Variants in MAMDC2 observed in about 807,000 individuals in gnomAD.
The protein encoded by MAMDC2 is MAM domain-containing protein 2.
Under a neutral mutation model 89.8 loss-of-function variants are expected in MAMDC2, and 57 were observed. That is an observed-to-expected ratio of 0.63 (90% CI 0.51 to 0.79). MAMDC2 has a LOEUF of 0.79. Ranked by LOEUF, MAMDC2 falls within the 30% of genes least tolerant of loss-of-function variation. The pLI, the probability that MAMDC2 is intolerant of heterozygous loss-of-function variation, is 0.00. For synonymous variants in MAMDC2, 313 were observed against 293.4 expected, an observed-to-expected ratio of 1.07 and a Z score of -0.68; for missense variants, 800 against 820.6, an observed-to-expected ratio of 0.97 and a Z score of 0.31.
intron 11 of MAMDC2, among the ~76,000 whole-genome samples, chr9:70,187,491 T>A (rs1328092456): frequency 6.6e-6 from 1 of 152,170 alleles, no homozygotes; most frequent in Non-Finnish European, 1.5e-5. Context: ...TTTTTTAAAG[T>A]ATATAATTCA....
chr9:70,217,236 C>T, intron 11 of MAMDC2: 2 of 860,422 alleles, frequency 2.3e-6, no homozygotes, highest in Non-Finnish European at 4.0e-6. Context: ...ACAAGATCTA[C>T]CCGGGACAGG....
At chr9:70,052,917 A>G (rs1246659370) in intron 2 of MAMDC2, among the ~76,000 whole-genome samples, 1 of 152,176 alleles carries the variant, frequency 6.6e-6, no homozygotes, top group Non-Finnish European at 1.5e-5. Context: ...CAATGGACAA[A>G]AAGCTCTTGG....
At chr9:70,212,046 G>A (rs991775306) in intron 11 of MAMDC2, among the ~76,000 whole-genome samples, 5 of 152,238 alleles carry the variant, frequency 3.3e-5, no homozygotes, top group South Asian at 2.1e-4. Context: ...CTACTGGGAG[G>A]TGTCTCCCAG....
intron 11 of MAMDC2, chr9:70,217,266 C>T (rs931713854): frequency 9.3e-6 from 10 of 1,075,024 alleles, no homozygotes; most frequent in South Asian, 2.5e-5. Context: ...ACGCCAGGAC[C>T]GACGGGAAGG....
chr9:70,092,142 C>T (rs1827916184), intron 2 of MAMDC2: 1 of 152,114 alleles, frequency 6.6e-6, no homozygotes, highest in Admixed American at 6.6e-5. Flanking sequence ...AAAAACCTGC[C>T]ATCAATGAAT....
intron 11 of MAMDC2, among the ~76,000 whole-genome samples, chr9:70,202,089 C>T (rs1377450067): frequency 6.6e-6 from 1 of 151,948 alleles, no homozygotes; most frequent in Non-Finnish European, 1.5e-5. Context: ...TTCTTGCCTT[C>T]TGCTAGCTTT....
chr9:70,140,104 A>T, intron 7 of MAMDC2, 41 bp from the exon 8 acceptor site: 1 of 1,514,566 alleles, frequency 6.6e-7, no homozygotes, highest in Non-Finnish European at 8.8e-7. Flanking sequence ...GTCCTTTGAG[A>T]TCTTTGGGAC....
intron 7 of MAMDC2, 21 bp downstream of exon 7, chr9:70,131,633 A>T: frequency 6.4e-7 from 1 of 1,560,076 alleles, no homozygotes; most frequent in Non-Finnish European, 8.8e-7. Context: ...TCTATTTGTC[A>T]TTGCATTTTG....
chr9:70,073,225 C>A (rs183869571), intron 2 of MAMDC2, among the ~76,000 whole-genome samples: 113 of 152,296 alleles, frequency 7.4e-4, no homozygotes, highest in African/African-American at 2.5e-3. Flanking sequence ...AAATGTCTTG[C>A]CAAGCTTAAA....
At chr9:70,078,717 G>A (rs1827591379) in intron 2 of MAMDC2, among the ~76,000 whole-genome samples, 1 of 152,070 alleles carries the variant, frequency 6.6e-6, no homozygotes, top group South Asian at 2.1e-4. Flanking sequence ...GGATGTAATT[G>A]CTACCTCCTT....
chr9:70,073,340 ATAT>A (rs1827453098), intron 2 of MAMDC2, among the ~76,000 whole-genome samples: 1 of 152,234 alleles, frequency 6.6e-6, no homozygotes, highest in South Asian at 2.1e-4. Flanking sequence ...AGAGCACTGA[ATAT>A]TTATAATAAA....
At chr9:70,112,159 C>A (rs780992254) in intron 4 of MAMDC2, among the ~76,000 whole-genome samples, 58 of 152,112 alleles carry the variant, frequency 3.8e-4, no homozygotes, top group Non-Finnish European at 6.5e-4. Flanking sequence ...CCGCAGGGGG[C>A]CAGTGGCCAG....
chr9:70,103,254 A>G (rs1828242098), intron 2 of MAMDC2, among the ~76,000 whole-genome samples: 3 of 152,342 alleles, frequency 2.0e-5, no homozygotes, highest in Middle Eastern at 6.8e-3. Context: ...TTAAATATAT[A>G]TGGAAATACA....
At chr9:70,168,904 G>A (rs931965243) in intron 10 of MAMDC2, 109 bp downstream of exon 10, 19 of 904,764 alleles carry the variant, frequency 2.1e-5, no homozygotes, top group Admixed American at 4.5e-5. Flanking sequence ...CTTTGCTTTT[G>A]TTGACAAAGT....
intron 9 of MAMDC2, among the ~76,000 whole-genome samples, chr9:70,165,751 A>C (rs1301575161): frequency 6.6e-6 from 1 of 152,228 alleles, no homozygotes. Flanking sequence ...AATTCAGTTA[A>C]CCATGAGCTG....
intron 11 of MAMDC2, among the ~76,000 whole-genome samples, chr9:70,206,106 A>C (rs962708467): frequency 6.6e-6 from 1 of 152,210 alleles, no homozygotes; most frequent in Non-Finnish European, 1.5e-5. Flanking sequence ...TACTCTACAT[A>C]GGTACTGCTT....
At chr9:70,126,457 T>G in intron 6 of MAMDC2, 42 bp downstream of exon 6, 1 of 1,580,800 alleles carries the variant, frequency 6.3e-7, no homozygotes, top group South Asian at 1.2e-5. Flanking sequence ...TGGCACTCTT[T>G]AGACATGCCA....
intron 2 of MAMDC2, among the ~76,000 whole-genome samples, chr9:70,102,860 C>T (rs752207610): frequency 2.8e-4 from 43 of 152,210 alleles, no homozygotes; most frequent in Non-Finnish European, 4.7e-4. Flanking sequence ...TCCAACACTG[C>T]GGTTGGTAAA....
At chr9:70,121,631 T>A (rs1013464507) in intron 5 of MAMDC2, among the ~76,000 whole-genome samples, 2 of 151,914 alleles carry the variant, frequency 1.3e-5, no homozygotes, top group Non-Finnish European at 2.9e-5. Context: ...GGGTATCCAG[T>A]GATTTGGCAG....
Sources: allele counts gnomAD v4.1 joint callset (sites outside exome capture counted in the v4.1 genomes callset), GRCh38; gene constraint gnomAD v4.1.1; transcripts MANE v1.5; gene names NCBI Gene and HGNC (gene_info 2026-07-23, HGNC 2026-07-21).